Variants in DNMT3A observed in about 807,000 individuals in gnomAD.
The protein encoded by DNMT3A is DNA (cytosine-5)-methyltransferase 3A.
In DNMT3A, 267 loss-of-function variants were observed where a neutral mutation model predicts 117.6. The ratio of observed to expected loss-of-function variants is 2.27; its 90% CI spans 2.05 to 2.51. The LOEUF is 2.51. DNMT3A is among the 30% of genes most tolerant of loss of function. DNMT3A has a pLI of 0.00. For missense variants in DNMT3A, 1,029 were observed against 1,260.2 expected, an observed-to-expected ratio of 0.82 and a Z score of 2.78; for synonymous variants, 432 against 474.8, an observed-to-expected ratio of 0.91 and a Z score of 1.17.
At chr2:25,267,517 T>G (rs915733378) in intron 6 of DNMT3A, among the ~76,000 whole-genome samples, 1 of 152,192 alleles carries the variant, frequency 6.6e-6, no homozygotes, top group African/African-American at 2.4e-5. Flanking sequence ...GAGGCTGCAG[T>G]GAGCCATGAT....
At chr2:25,244,920 G>A (rs1674558533) in intron 13 of DNMT3A, among the ~76,000 whole-genome samples, 1 of 152,174 alleles carries the variant, frequency 6.6e-6, no homozygotes, top group African/African-American at 2.4e-5. Flanking sequence ...TGCAGCCCTG[G>A]GTTTTTCTCC....
Position 25,293,846 on chromosome 2 carries a change from T to C in DNMT3A, c.177+6293A>G, listed in dbSNP as rs1406750292. Among the ~76,000 whole-genome samples, 1 of 152,166 alleles carries C rather than the reference T, an allele frequency of 6.6e-6. No homozygotes were observed. Among genetic ancestry groups the C allele is most frequent in the Non-Finnish European group, 1.5e-5 (1 of 68,026 alleles). ...TGCCACCACATTCGGCTTTTTTCTA[T>C]TTTTAGTAGAGATGGGGTTTTGCCA... is the stretch of plus-strand genomic sequence containing the variant. On this transcript the variant is annotated intron_variant, in intron 3 of 22. Coordinates refer to ENST00000321117, the MANE Select transcript of DNMT3A (RefSeq NM_022552.5). The surrounding 1 kb of genome is among the most constrained non-coding windows in gnomAD (Gnocchi z 4.7).
In DNMT3A at chr2:25,254,595, A is replaced by G. The variant is rs1675956385; in HGVS notation, c.640-6343T>C. ...CTCCCCAAGCAGAAGTGAGAAGCCC[A>G]GAATTTGTCCCTCTTGCCTGCTCCC... On this transcript the variant is annotated intron_variant, in intron 6 of 22. Coordinates refer to ENST00000321117, the MANE Select transcript of DNMT3A (RefSeq NM_022552.5). This position sits in a 1 kb window ranked among gnomAD's most constrained non-coding sequence, Gnocchi z 4.7. 6.6e-6 allele frequency among the ~76,000 whole-genome samples: 1 copy of G among 152,194 alleles called. No individual in the cohort carries two copies. Among genetic ancestry groups the G allele is most frequent in the Non-Finnish European group, 1.5e-5 (1 of 68,034 alleles).
chr2:25,292,814 A>G (rs1023845931), intron 3 of DNMT3A, among the ~76,000 whole-genome samples: 3 of 152,190 alleles, frequency 2.0e-5, no homozygotes, highest in Non-Finnish European at 2.9e-5. Flanking sequence ...AAGAAAGCCC[A>G]TGTCAACAGC....
intron 1 of DNMT3A, among the ~76,000 whole-genome samples, chr2:25,340,063 C>T (rs2035354371): frequency 2.6e-5 from 4 of 152,224 alleles, no homozygotes; most frequent in Admixed American, 2.0e-4. Flanking sequence ...GGGCGGACAG[C>T]GCTTCTCCCC....
At chr2:25,314,635 T>A in intron 1 of DNMT3A, 1 of 985,320 alleles carries the variant, frequency 1.0e-6, no homozygotes, top group Non-Finnish European at 1.2e-6. Context: ...CAGGATGTAG[T>A]GAAATGAATG....
rs528374163 is a variant in DNMT3A at position 25,311,817 on chromosome 2, A to C, written c.72+2096T>G. On this transcript the variant is annotated intron_variant, in intron 2 of 22. Transcript: ENST00000321117. This position sits in a 1 kb window ranked among gnomAD's most constrained non-coding sequence, Gnocchi z 5.2. ...AGCAAACACAAGCCCAGATGGCCTGAAGTCACATCTCCAGTAAGTGGCATA... is the reference window on the plus strand; with the variant it reads ...AGCAAACACAAGCCCAGATGGCCTGCAGTCACATCTCCAGTAAGTGGCATA... Among the ~76,000 whole-genome samples, 2 of 152,240 alleles carry C rather than the reference A, an allele frequency of 1.3e-5. No individual in the cohort carries two copies. Among genetic ancestry groups the C allele is most frequent in the South Asian group, 4.2e-4 (2 of 4,818 alleles).
At chr2:25,266,918 G>A (rs2030408439) in intron 6 of DNMT3A, among the ~76,000 whole-genome samples, 1 of 152,090 alleles carries the variant, frequency 6.6e-6, no homozygotes, top group Non-Finnish European at 1.5e-5. Context: ...TTTCTTTCTA[G>A]GTATCTGTCT....
Position 25,300,707 on chromosome 2 carries a change from A to AATATATT in DNMT3A, c.73-465_73-464insAATATAT, listed in dbSNP as rs1477973461. On this transcript the variant is annotated intron_variant, in intron 2 of 22. Transcript: ENST00000321117. ...TAGATATATATTTATATATCTAAAT[A>AATATATT]ATATAATATATATATATATATATAT... Among the ~76,000 whole-genome samples the AATATATT allele has an allele frequency of 1.0e-4, 6 of 57,860 alleles. 1 individual carries two copies. The highest frequency in any genetic ancestry group is 4.1e-4 in the African/African-American group (6 of 14,498). The allele number at this position is 57,860 out of a possible 152,430, so 38.0% of individuals were successfully genotyped here. A position where few individuals can be genotyped will look rare whatever the true frequency, so the allele number is the denominator to read the frequency against.
intron 6 of DNMT3A, among the ~76,000 whole-genome samples, chr2:25,268,713 G>GC (rs1573390873): frequency 1.3e-5 from 2 of 152,228 alleles, no homozygotes; most frequent in African/African-American, 4.8e-5. Flanking sequence ...GGAGACTCTG[G>GC]CCCCCCTTTA....
At chr2:25,269,399 A>G (rs980773029) in intron 6 of DNMT3A, among the ~76,000 whole-genome samples, 5 of 152,182 alleles carry the variant, frequency 3.3e-5, no homozygotes, top group Admixed American at 6.5e-5. Flanking sequence ...GACTGGAGAA[A>G]TCTTGGAAAC....
Position 25,247,599 on chromosome 2 carries a change from AT to A in DNMT3A, c.1005del (p.Lys335AsnfsTer10). Reference protein sequence around the residue: ...TRWVMWFGDGKFSVVCVEKLM... With the variant: ...TRWVMWFGDGXFSVVCVEKLM... The stretch of plus-strand genomic sequence containing the variant: ...CAAACCCCACAACTTACCACTGAGA[AT>A]TTGCCGTCTCCGAACCACATGACCC... On this transcript the variant is annotated frameshift_variant, in exon 8 of 23. Transcript: ENST00000321117. LOFTEE classifies it high-confidence loss of function. This position sits in a 1 kb window ranked among gnomAD's most constrained non-coding sequence, Gnocchi z 5.6. 1 of 1,613,836 alleles carries A rather than the reference AT, an allele frequency of 6.2e-7. No individual in the cohort carries two copies. The highest frequency in any genetic ancestry group is 8.5e-7 in the Non-Finnish European group (1 of 1,179,942).
At position 25,300,735 on chromosome 2, in the gene DNMT3A, AT is replaced by A. The variant is rs1309334499; in HGVS notation, c.73-493del. 1.8e-4 allele frequency among the ~76,000 whole-genome samples: 7 copies of A among 37,984 alleles called. 1 individual carries two copies. The highest frequency in any genetic ancestry group is 5.6e-4 in the African/African-American group (5 of 8,946). The allele number at this position is 37,984 out of a possible 152,430, so 24.9% of individuals were successfully genotyped here. ...ATAATATATATATATATATATATATATATATATATATATATATATATATATA... is the reference window on the plus strand; with the variant it reads ...ATAATATATATATATATATATATATAATATATATATATATATATATATATA... On this transcript the variant is annotated intron_variant, in intron 2 of 22. Transcript: ENST00000321117.
rs2033685704 is a variant in DNMT3A, at chr2:25,304,563, A to C, written c.73-4320T>G. On this transcript the variant is annotated intron_variant, in intron 2 of 22. Coordinates refer to ENST00000321117, the MANE Select transcript of DNMT3A (RefSeq NM_022552.5). The surrounding 1 kb of genome is among the most constrained non-coding windows in gnomAD (Gnocchi z 4.3). ...CTCTTGCCGCAAGATATGTGGCAAT[A>C]CTGGGGCTCTAGGAGCTTTCCAAAA... is the stretch of plus-strand genomic sequence containing the variant. 6.6e-6 allele frequency among the ~76,000 whole-genome samples: 1 copy of C among 152,176 alleles called. No individual in the cohort carries two copies. The highest frequency in any genetic ancestry group is 2.4e-5 in the African/African-American group (1 of 41,440).
At chr2:25,341,133 C>T (rs1468590658) in intron 1 of DNMT3A, among the ~76,000 whole-genome samples, 2 of 145,672 alleles carry the variant, frequency 1.4e-5, no homozygotes, top group African/African-American at 2.5e-5. Context: ...CTCCCCGGCC[C>T]GGCCCCGCCA....
Position 25,304,741 on chromosome 2 carries a change from C to T in DNMT3A, c.73-4498G>A, listed in dbSNP as rs1181642853. Among the ~76,000 whole-genome samples, 1 of 152,230 alleles carries T rather than the reference C, an allele frequency of 6.6e-6. No homozygotes were observed. Among genetic ancestry groups the T allele is most frequent in the Non-Finnish European group, 1.5e-5 (1 of 68,046 alleles). ...TTGGTCTCTTCTCCACACTGTGGTC[C>T]CAACAGACAGCACCAAGCGCGAAAG... On this transcript the variant is annotated intron_variant, in intron 2 of 22. Transcript: ENST00000321117. The surrounding 1 kb of genome is among the most constrained non-coding windows in gnomAD (Gnocchi z 4.3).
Position 25,234,337 on chromosome 2 carries a change from C to G in DNMT3A, c.2681G>C (p.Ser894Thr). The G allele has an allele frequency of 6.2e-7, 1 of 1,614,144 alleles. No homozygotes were observed. Among genetic ancestry groups the G allele is most frequent in the Non-Finnish European group, 8.5e-7 (1 of 1,180,012 alleles). The change falls in exon 23 of 23, where the codon AGC becomes ACC. Residue 894 changes from serine (S) to threonine (T), a missense_variant. By Grantham distance (58) the Ser-to-Thr change is moderately conservative. Coordinates refer to ENST00000321117, the MANE Select transcript of DNMT3A (RefSeq NM_022552.5). This position sits in a 1 kb window ranked among gnomAD's most constrained non-coding sequence, Gnocchi z 4.5. ...ARQRLLGRSW[S>T]VPVIRHLFAP... ...GAAGAGGTGGCGGATGACTGGCACG[C>G]TCCATGACCGGCCCAGCAGTCTCTG...
intron 6 of DNMT3A, among the ~76,000 whole-genome samples, chr2:25,267,965 A>G (rs1246969125): frequency 6.6e-6 from 1 of 152,178 alleles, no homozygotes; most frequent in Non-Finnish European, 1.5e-5. Flanking sequence ...AGTGATGCCT[A>G]AGGTCCCACA....
Position 25,304,217 on chromosome 2 carries a change from G to GGGAGTTTCGCTCTGCTCTTTGCTTA in DNMT3A, c.73-3999_73-3975dup. ...GCTTTGGAGAGGGCAGAGCCGGGCTGGGAGTTTCGCTCTGCTCTTTGCTTA... is the reference window on the plus strand; with the variant it reads ...GCTTTGGAGAGGGCAGAGCCGGGCTGGGAGTTTCGCTCTGCTCTTTGCTTAGGAGTTTCGCTCTGCTCTTTGCTTA... On this transcript the variant is annotated intron_variant, in intron 2 of 22. Coordinates refer to ENST00000321117, the MANE Select transcript of DNMT3A (RefSeq NM_022552.5). The surrounding 1 kb of genome is among the most constrained non-coding windows in gnomAD (Gnocchi z 4.3). 6.6e-6 allele frequency among the ~76,000 whole-genome samples: 1 copy of GGGAGTTTCGCTCTGCTCTTTGCTTA among 152,168 alleles called. No individual in the cohort carries two copies. Among genetic ancestry groups the GGGAGTTTCGCTCTGCTCTTTGCTTA allele is most frequent in the African/African-American group, 2.4e-5 (1 of 41,412 alleles).
Sources: gnomAD v4.1 joint callset for allele counts (sites outside exome capture counted in the v4.1 genomes callset) on GRCh38, gnomAD v4.1.1 for gene constraint, Gnocchi (gnomAD v3.1) non-coding constraint, MANE v1.5 for transcripts, NCBI Gene and HGNC (gene_info 2026-07-23, HGNC 2026-07-21) for gene names.